COL24A1: variants seen among roughly 807,000 people sequenced by gnomAD.
The protein encoded by COL24A1 is collagen alpha-1(XXIV) chain.
COL24A1 carries 224 observed loss-of-function variants against 253.9 expected under a neutral mutation model. The observed-to-expected ratio is 0.88, with a 90% confidence interval of 0.79 to 0.99. The LOEUF (loss-of-function observed/expected upper bound fraction) is 0.99. Among genes scored for constraint, COL24A1 ranks in the 50% least tolerant of loss-of-function variants. The pLI is 0.00. For missense variants in COL24A1, 2,131 were observed against 2,068.5 expected, an observed-to-expected ratio of 1.03 and a Z score of -0.59; for synonymous variants, 685 against 673.7, an observed-to-expected ratio of 1.02 and a Z score of -0.26.
In COL24A1 at chr1:86,017,141, A is replaced by T; in HGVS notation, c.2310+10T>A. 2 of 1,594,662 alleles carry T rather than the reference A, an allele frequency of 1.3e-6. No homozygotes were observed. Among genetic ancestry groups the T allele is most frequent in the Non-Finnish European group, 1.7e-6 (2 of 1,172,100 alleles). ...GTTTCAAATTTATTAACTTTCCACC[A>T]ATATTTTACCTCTGGTCCTGGAGGG... On this transcript the variant is annotated intron_variant, in intron 19 of 59. Coordinates refer to ENST00000370571, the MANE Select transcript of COL24A1 (RefSeq NM_152890.7).
chr1:86,047,617 T>A (rs114798873), intron 11 of COL24A1, among the ~76,000 whole-genome samples: 1 of 152,036 alleles, frequency 6.6e-6, no homozygotes, highest in Non-Finnish European at 1.5e-5. Flanking sequence ...TATACACACA[T>A]ATATATGTTT....
chr1:85,974,718 G>T (rs1324898), intron 20 of COL24A1, among the ~76,000 whole-genome samples: 18,474 of 152,064 alleles, frequency 0.12, 1,250 homozygotes, highest in East Asian at 0.23. Context: ...TTTAAGCTGT[G>T]CACATATGTT....
chr1:85,824,604 T>G (rs1674019398), intron 43 of COL24A1, among the ~76,000 whole-genome samples: 1 of 152,174 alleles, frequency 6.6e-6, no homozygotes, highest in Non-Finnish European at 1.5e-5. Flanking sequence ...AAACACCACA[T>G]GACTCTGACA....
At chr1:86,088,768 C>A (rs2101954278) in intron 7 of COL24A1, among the ~76,000 whole-genome samples, 1 of 152,256 alleles carries the variant, frequency 6.6e-6, no homozygotes, top group Middle Eastern at 3.4e-3. Flanking sequence ...GTAAACCTCA[C>A]TTTGGGCATA....
At chr1:85,809,154 C>T (rs1672285069) in intron 47 of COL24A1, among the ~76,000 whole-genome samples, 1 of 152,102 alleles carries the variant, frequency 6.6e-6, no homozygotes, top group Non-Finnish European at 1.5e-5. Context: ...CCATATAACT[C>T]CTGAGCAGTA....
At chr1:85,926,495 G>C (rs192290387) in intron 24 of COL24A1, among the ~76,000 whole-genome samples, 1 of 152,146 alleles carries the variant, frequency 6.6e-6, no homozygotes, top group Non-Finnish European at 1.5e-5. Flanking sequence ...GCCATAAAAA[G>C]GGTGAGTTCA....
At chr1:86,101,618 A>G (rs1005630465) in intron 5 of COL24A1, among the ~76,000 whole-genome samples, 30 of 152,146 alleles carry the variant, frequency 2.0e-4, no homozygotes, top group African/African-American at 6.8e-4. Context: ...TTTTATCAAA[A>G]GCCTTTTCTG....
chr1:85,863,434 A>T (rs1679396969), intron 37 of COL24A1, among the ~76,000 whole-genome samples: 1 of 152,186 alleles, frequency 6.6e-6, no homozygotes, highest in Non-Finnish European at 1.5e-5. Flanking sequence ...GTTAGATCTA[A>T]AACCATAAAA....
intron 52 of COL24A1, among the ~76,000 whole-genome samples, chr1:85,778,605 A>T (rs1570576890): frequency 1.4e-5 from 2 of 138,348 alleles, no homozygotes; most frequent in Admixed American, 7.4e-5. Flanking sequence ...TTATTCTTCA[A>T]TTTTTTTTTT....
intron 12 of COL24A1, among the ~76,000 whole-genome samples, chr1:86,040,613 T>A (rs76474550): frequency 6.6e-6 from 1 of 151,986 alleles, no homozygotes; most frequent in East Asian, 1.9e-4. Context: ...ATGTAGTTCA[T>A]TGGGTGTCCT....
chr1:85,846,023 T>C (rs1383487585), intron 39 of COL24A1, among the ~76,000 whole-genome samples: 1 of 151,754 alleles, frequency 6.6e-6, no homozygotes. Context: ...TAGTGTGGTA[T>C]TGACCCAGAA....
intron 3 of COL24A1, 32 bp downstream of exon 3, chr1:86,124,813 T>A: frequency 6.8e-7 from 1 of 1,469,662 alleles, no homozygotes; most frequent in Non-Finnish European, 9.0e-7. Context: ...TAAGTTAGCA[T>A]ATTAGGAGAT....
intron 28 of COL24A1, among the ~76,000 whole-genome samples, chr1:85,901,727 G>A (rs1340482607): frequency 6.9e-6 from 1 of 144,392 alleles, no homozygotes; most frequent in South Asian, 2.3e-4. Flanking sequence ...CAGGAGAATT[G>A]CTTGAACCTG....
chr1:85,919,806 T>A (rs970364635), intron 24 of COL24A1, among the ~76,000 whole-genome samples: 1 of 152,240 alleles, frequency 6.6e-6, no homozygotes, highest in Non-Finnish European at 1.5e-5. Context: ...AATAACTTTC[T>A]GTTGTGTTAA....
At chr1:85,855,418 T>G (rs1023113707) in intron 37 of COL24A1, among the ~76,000 whole-genome samples, 1 of 152,154 alleles carries the variant, frequency 6.6e-6, no homozygotes, top group African/African-American at 2.4e-5. Context: ...GGGTTAACAT[T>G]GAGGCACGTT....
Position 85,830,487 on chromosome 1 carries a change from G to A in COL24A1, c.3682-6749C>T, listed in dbSNP as rs537333659. On this transcript the variant is annotated intron_variant, in intron 43 of 59. Transcript: ENST00000370571. ...TCCCGGCTGCTTTGTTTACCTAAGT[G>A]AGCCTGGGCAATGGCGGGTGCCCCT... is the stretch of plus-strand genomic sequence containing the variant. Among the ~76,000 whole-genome samples the A allele has an allele frequency of 2.1e-3, 326 of 152,244 alleles. 8 individuals carry two copies. Among genetic ancestry groups the A allele is most frequent in the Non-Finnish European group, 2.6e-3 (175 of 67,986 alleles).
At chr1:85,857,458 CAAAA>C (rs57368737) in intron 37 of COL24A1, among the ~76,000 whole-genome samples, 2 of 94,490 alleles carry the variant, frequency 2.1e-5, no homozygotes, top group Non-Finnish European at 4.2e-5. Flanking sequence ...CCCTCTTCTC[CAAAA>C]AAAAAAAAAA....
chr1:85,789,082 G>A (rs2101644831), intron 47 of COL24A1, among the ~76,000 whole-genome samples: 1 of 152,124 alleles, frequency 6.6e-6, no homozygotes, highest in Middle Eastern at 3.4e-3. Flanking sequence ...AAAAATAGTT[G>A]TTTCTAATTC....
intron 24 of COL24A1, among the ~76,000 whole-genome samples, chr1:85,913,361 C>G (rs1685558774): frequency 6.6e-6 from 1 of 152,058 alleles, no homozygotes; most frequent in South Asian, 2.1e-4. Context: ...GAATCAGTGT[C>G]CAATATATGG....
Sources: allele counts gnomAD v4.1 joint callset (sites outside exome capture counted in the v4.1 genomes callset), GRCh38; gene constraint gnomAD v4.1.1; transcripts MANE v1.5; gene names NCBI Gene and HGNC (gene_info 2026-07-23, HGNC 2026-07-21).